GATA4: variants seen among roughly 807,000 people sequenced by gnomAD.
The protein encoded by GATA4 is GATA binding protein 4.
In GATA4, 7 loss-of-function variants were observed where a neutral mutation model predicts 37.9. That is an observed-to-expected ratio of 0.18 (90% confidence interval 0.11 to 0.35). GATA4 has a LOEUF of 0.35. Among genes scored for constraint, GATA4 ranks in the 10% least tolerant of loss-of-function variants. GATA4 has a pLI of 1.00. For missense variants in GATA4, 647 were observed against 653.0 expected, an observed-to-expected ratio of 0.99 and a Z score of 0.10; for synonymous variants, 372 against 292.6, an observed-to-expected ratio of 1.27 and a Z score of -2.77.
chr8:11,756,694 T>C, intron 5 of GATA4: 2 of 583,494 alleles, frequency 3.4e-6, no homozygotes, highest in East Asian at 2.9e-5. Context: ...TGAGGAAGAA[T>C]CTTTTTTTAA....
At chr8:11,752,174 G>A (rs188594202) in intron 4 of GATA4, among the ~76,000 whole-genome samples, 80 of 152,286 alleles carry the variant, frequency 5.3e-4, no homozygotes, top group Non-Finnish European at 3.7e-4. Context: ...AATATATGTA[G>A]CATGACCCCA....
intron 1 of GATA4, among the ~76,000 whole-genome samples, chr8:11,698,318 G>A (rs1393243657): frequency 6.6e-6 from 1 of 152,194 alleles, no homozygotes; most frequent in Non-Finnish European, 1.5e-5. Flanking sequence ...GCTTAGGATA[G>A]AATTCTTCTC....
At chr8:11,706,763 C>T (rs986655595) in intron 1 of GATA4, among the ~76,000 whole-genome samples, 2 of 152,088 alleles carry the variant, frequency 1.3e-5, no homozygotes, top group African/African-American at 4.8e-5. Context: ...ATTCCCTTCC[C>T]CCACCCCTTC....
intron 1 of GATA4, among the ~76,000 whole-genome samples, chr8:11,685,916 G>C (rs977487334): frequency 1.3e-5 from 2 of 152,190 alleles, no homozygotes; most frequent in South Asian, 4.1e-4. Flanking sequence ...GAAAGTCAGA[G>C]CTTTGTTGGT....
chr8:11,699,600 C>A (rs548786984), upstream of GATA4, among the ~76,000 whole-genome samples: 89 of 152,352 alleles, frequency 5.8e-4, 2 homozygotes, highest in African/African-American at 2.0e-3. Context: ...ACATACATGG[C>A]GGCGCCTGCG....
At position 11,752,748 on chromosome 8, in the gene GATA4, G is replaced by A. The variant is rs112701908; in HGVS notation, c.913-2298G>A. ...TTGACGGTAGTAGAGTGAGAGGGCTGTTGTTAACTTAGTCTCATGTATCTT... is the reference window on the plus strand; with the variant it reads ...TTGACGGTAGTAGAGTGAGAGGGCTATTGTTAACTTAGTCTCATGTATCTT... On this transcript the variant is annotated intron_variant, in intron 4 of 6. Transcript: ENST00000532059. Among the ~76,000 whole-genome samples, 283 of 152,326 alleles carry A rather than the reference G, an allele frequency of 1.9e-3. 1 individual carries two copies. Among genetic ancestry groups the A allele is most frequent in the African/African-American group, 6.4e-3 (268 of 41,570 alleles).
At chr8:11,682,089 T>C (rs924852130) in intron 1 of GATA4, among the ~76,000 whole-genome samples, 8 of 152,264 alleles carry the variant, frequency 5.3e-5, no homozygotes, top group African/African-American at 1.9e-4. Context: ...TTTATTTGCC[T>C]TTAATAAATT....
chr8:11,683,131 G>C lies in GATA4; in HGVS notation c.-274+6068G>C, dbSNP rs542907410. ...AAAGCTCTTGGTGTGGTGGCCACTG[G>C]GGTTTGCTCCAGCAGAGATAATGGA... is the stretch of plus-strand genomic sequence containing the variant. On this transcript the variant is annotated intron_variant, in intron 1 of 6. Transcript: ENST00000528712. The C allele has an allele frequency of 5.9e-4, 584 of 985,328 alleles. 2 individuals are homozygous for C. The highest frequency in any genetic ancestry group is 1.6e-3 in the Middle Eastern group (3 of 1,914). The allele number at this position is 985,328 out of a possible 1,614,324, so 61.0% of individuals were successfully genotyped here. A position where few individuals can be genotyped will look rare whatever the true frequency, so the allele number is the denominator to read the frequency against.
In GATA4 at chr8:11,749,905, G is replaced by A. The variant is rs949155478; in HGVS notation, c.787-206G>A. On this transcript the variant is annotated intron_variant, in intron 3 of 6. Transcript: ENST00000532059. The surrounding 1 kb of genome is among the most constrained non-coding windows in gnomAD (Gnocchi z 4.6). ...TGCCCACGTTCGCTCTCCTCGGGCA[G>A]CAGAAACCTTGTTCTGATTTATTCC... 2.6e-5 allele frequency among the ~76,000 whole-genome samples: 4 copies of A among 152,226 alleles called. No individual in the cohort carries two copies. The highest frequency in any genetic ancestry group is 5.9e-5 in the Non-Finnish European group (4 of 68,030).
chr8:11,756,628 A>G (rs1802581826), intron 5 of GATA4: 1 of 452,314 alleles, frequency 2.2e-6, no homozygotes, highest in Non-Finnish European at 4.1e-6. Context: ...TGCTGGAGGT[A>G]TTCTGTAATA....
chr8:11,708,999 C>T lies in GATA4; in HGVS notation c.616+71C>T. On this transcript the variant is annotated intron_variant, in intron 2 of 6. Transcript: ENST00000532059. This position sits in a 1 kb window ranked among gnomAD's most constrained non-coding sequence, Gnocchi z 6.7. ...GGCCGTCTTGAGCCCTGTCGAGGGC[C>T]TCTTGTTTTTCCACCAACGCCTTCG... 1.4e-6 allele frequency: 2 copies of T among 1,442,288 alleles called. No individual in the cohort carries two copies. The highest frequency in any genetic ancestry group is 1.8e-6 in the Non-Finnish European group (2 of 1,092,422). The allele number at this position is 1,442,288 out of a possible 1,614,324, so 89.3% of individuals were successfully genotyped here. A position where few individuals can be genotyped will look rare whatever the true frequency, so the allele number is the denominator to read the frequency against.
chr8:11,722,298 A>G (rs917495253), intron 2 of GATA4, among the ~76,000 whole-genome samples: 3 of 152,252 alleles, frequency 2.0e-5, no homozygotes, highest in Non-Finnish European at 4.4e-5. Flanking sequence ...TTTGAAGCAT[A>G]TTCCAAACAG....
At chr8:11,704,858 C>G (rs1464572750) in intron 1 of GATA4, among the ~76,000 whole-genome samples, 4 of 152,264 alleles carry the variant, frequency 2.6e-5, no homozygotes, top group Non-Finnish European at 5.9e-5. Flanking sequence ...CCTTTCTGGC[C>G]GGCCTCCTCG....
chr8:11,686,362 A>G (rs1799135497), intron 1 of GATA4, among the ~76,000 whole-genome samples: 1 of 152,194 alleles, frequency 6.6e-6, no homozygotes, highest in African/African-American at 2.4e-5. Context: ...ATATAAACTT[A>G]AAATACCATT....
upstream of GATA4, among the ~76,000 whole-genome samples, chr8:11,703,339 C>A (rs963278526): frequency 4.6e-5 from 7 of 152,160 alleles, no homozygotes; most frequent in Non-Finnish European, 1.0e-4. Flanking sequence ...CGGCTCGCAG[C>A]CCCGCTGCGC....
intron 4 of GATA4, among the ~76,000 whole-genome samples, chr8:11,753,206 G>T (rs967557729): frequency 1.3e-5 from 2 of 152,158 alleles, no homozygotes; most frequent in East Asian, 3.8e-4. Flanking sequence ...ATACATACAC[G>T]TAGGATATTA....
At chr8:11,693,562 C>CACAGAGAGAGAGAGAGAGAGAGAGAG (rs1405047773) in intron 1 of GATA4, among the ~76,000 whole-genome samples, 5 of 72,230 alleles carry the variant, frequency 6.9e-5, no homozygotes, top group South Asian at 7.2e-4. Context: ...CACACACACA[C>CACAGAGAGAGAGAGAGAGAGAGAGAG]AGAGAGAGAG....
chr8:11,719,323 A>T (rs1368922570), intron 2 of GATA4, among the ~76,000 whole-genome samples: 1 of 152,124 alleles, frequency 6.6e-6, no homozygotes, highest in African/African-American at 2.4e-5. Flanking sequence ...GTAGGCGGGG[A>T]AAACAAACAA....
At chr8:11,730,529 T>C (rs971757162) in intron 2 of GATA4, among the ~76,000 whole-genome samples, 3 of 152,188 alleles carry the variant, frequency 2.0e-5, no homozygotes, top group African/African-American at 7.2e-5. Context: ...GCTGGGAGCT[T>C]TGTCTGGCCT....
Sources: allele counts gnomAD v4.1 joint callset (sites outside exome capture counted in the v4.1 genomes callset), GRCh38; gene constraint gnomAD v4.1.1; non-coding constraint Gnocchi (gnomAD v3.1); transcripts MANE v1.5; gene names NCBI Gene and HGNC (gene_info 2026-07-23, HGNC 2026-07-21).